KLF12: variants seen among roughly 807,000 people sequenced by gnomAD.
KLF12 encodes KLF transcription factor 12.
A neutral mutation model predicts 37.8 loss-of-function variants in KLF12; 9 were observed. That is an observed-to-expected ratio of 0.24 (90% confidence interval 0.14 to 0.42). The LOEUF (loss-of-function observed/expected upper bound fraction) is 0.42. Among genes scored for constraint, KLF12 ranks in the 10% least tolerant of loss-of-function variants. The probability of loss-of-function intolerance (pLI) is 1.00; values close to 1 mark genes in which losing one functional copy is unlikely to be tolerated. For missense variants in KLF12, 411 were observed against 516.0 expected (o/e 0.80, Z 1.97); for synonymous variants, 208 against 202.1 (o/e 1.03, Z -0.25).
intron 5 of KLF12, among the ~76,000 whole-genome samples, chr13:73,784,878 C>T (rs1240842338): frequency 6.6e-6 from 1 of 151,890 alleles, no homozygotes; most frequent in Admixed American, 6.6e-5. Context: ...CCTCGTGATC[C>T]ACCCGCCTTG....
At chr13:73,885,011 C>T (rs1887152921) in intron 3 of KLF12, among the ~76,000 whole-genome samples, 1 of 152,304 alleles carries the variant, frequency 6.6e-6, no homozygotes, top group Admixed American at 6.5e-5. Flanking sequence ...ACCCATTGTG[C>T]TCAAACTCTC....
upstream of KLF12, among the ~76,000 whole-genome samples, chr13:74,134,186 A>AGGG (rs546775182): frequency 9.6e-6 from 1 of 104,134 alleles, no homozygotes; most frequent in Non-Finnish European, 2.1e-5. Flanking sequence ...GGGTGCTGTG[A>AGGG]GGGGGGGGGC....
chr13:73,764,933 C>T lies in KLF12; in HGVS notation c.869+5G>A. ...ACAAATACTCATATTAGACTGTATACTCACCAAGGAAACTTTTGATTATTC... is the reference window on the plus strand; with the variant it reads ...ACAAATACTCATATTAGACTGTATATTCACCAAGGAAACTTTTGATTATTC... On this transcript the variant is annotated splice_donor_5th_base_variant and intron_variant, in intron 6 of 7. Transcript: ENST00000377669. The T allele has an allele frequency of 6.6e-7, 1 of 1,518,586 alleles. No homozygotes were observed. The highest frequency in any genetic ancestry group is 9.1e-7 in the Non-Finnish European group (1 of 1,093,628). 94.1% of individuals were successfully genotyped at this position (1,518,586 alleles called of 1,614,324 possible).
intron 3 of KLF12, among the ~76,000 whole-genome samples, chr13:73,856,388 A>G (rs1196909392): frequency 3.9e-5 from 6 of 152,250 alleles, no homozygotes; most frequent in African/African-American, 1.4e-4. Context: ...ACTGACACCA[A>G]TATTATGCTA....
At position 73,995,059 on chromosome 13, in the gene KLF12, A is replaced by G. The variant is rs915588066; in HGVS notation, c.-31-6T>C. The G allele has an allele frequency of 6.3e-7, 1 of 1,586,768 alleles. No homozygotes were observed. The highest frequency in any genetic ancestry group is 1.7e-5 in the Admixed American group (1 of 57,734). ...TTCTTAGAGTCACATTGATCCTGCA[A>G]GAAAAACACAAAGACAAATGATGAG... On this transcript the variant is annotated splice_region_variant and splice_polypyrimidine_tract_variant and intron_variant, in intron 1 of 7. Coordinates refer to ENST00000377669, the MANE Select transcript of KLF12 (RefSeq NM_007249.5).
intron 1 of KLF12, among the ~76,000 whole-genome samples, chr13:74,108,708 GAA>G (rs532879733): frequency 4.5e-4 from 69 of 152,196 alleles, no homozygotes; most frequent in Non-Finnish European, 8.2e-4. Flanking sequence ...GTAAACTAGA[GAA>G]AAGTTATTTA....
intron 3 of KLF12, among the ~76,000 whole-genome samples, chr13:73,929,019 C>G (rs895181927): frequency 6.6e-6 from 1 of 152,186 alleles, no homozygotes; most frequent in South Asian, 2.1e-4. Context: ...CTACCTTCAT[C>G]CCTCATAACT....
intron 2 of KLF12, among the ~76,000 whole-genome samples, chr13:73,957,515 A>G (rs777778663): frequency 1.5e-4 from 23 of 152,316 alleles, no homozygotes; most frequent in Admixed American, 9.8e-4. Context: ...GAAGTCTCCA[A>G]AGTAACTACA....
intron 1 of KLF12, among the ~76,000 whole-genome samples, chr13:74,087,678 C>T (rs1875395396): frequency 6.6e-6 from 1 of 152,166 alleles, no homozygotes; most frequent in African/African-American, 2.4e-5. Context: ...TGATTCCAAG[C>T]ATGTCACTTA....
chr13:73,697,463 C>T (rs1415330801), intron 7 of KLF12, among the ~76,000 whole-genome samples: 1 of 152,160 alleles, frequency 6.6e-6, no homozygotes. Flanking sequence ...ACTGCATTTG[C>T]ATGTGTCTAC....
At chr13:74,010,372 A>G (rs982556750) in intron 1 of KLF12, among the ~76,000 whole-genome samples, 1 of 152,220 alleles carries the variant, frequency 6.6e-6, no homozygotes, top group Non-Finnish European at 1.5e-5. Flanking sequence ...ACCACGAACA[A>G]TAATTGCAGA....
At chr13:74,178,380 G>C in the KLF12 span, among the ~76,000 whole-genome samples, 1 of 152,096 alleles carries the variant, frequency 6.6e-6, no homozygotes, top group Non-Finnish European at 1.5e-5. Context: ...AAAAGAAATG[G>C]GTTCTTTTAA....
chr13:73,772,464 G>A (rs536091467), intron 5 of KLF12, among the ~76,000 whole-genome samples: 38 of 152,348 alleles, frequency 2.5e-4, no homozygotes, highest in African/African-American at 7.2e-4. Flanking sequence ...GAACCTGGGA[G>A]TTTCCGTAGG....
chr13:73,983,021 TACTC>T (rs754887268), intron 2 of KLF12, among the ~76,000 whole-genome samples: 25 of 152,192 alleles, frequency 1.6e-4, no homozygotes, highest in Admixed American at 3.9e-4. Flanking sequence ...CTTTTGCTCT[TACTC>T]ACATTTCATT....
chr13:74,042,910 G>A (rs938566009), intron 1 of KLF12, among the ~76,000 whole-genome samples: 5 of 152,150 alleles, frequency 3.3e-5, no homozygotes, highest in African/African-American at 1.2e-4. Context: ...TATCCCAGGA[G>A]ACACAGCAAA....
chr13:73,710,435 T>G (rs1401911469), intron 7 of KLF12, among the ~76,000 whole-genome samples: 1 of 149,320 alleles, frequency 6.7e-6, no homozygotes, highest in East Asian at 1.9e-4. Flanking sequence ...AATTCAAGTT[T>G]TGTGGCAATC....
chr13:73,868,329 G>A (rs1398607780), intron 3 of KLF12, among the ~76,000 whole-genome samples: 1 of 84,216 alleles, frequency 1.2e-5, no homozygotes. Flanking sequence ...GGGGGCGGTG[G>A]GGGGGGGGGG....
the KLF12 span, among the ~76,000 whole-genome samples, chr13:74,230,278 C>T: frequency 1.3e-5 from 2 of 152,148 alleles, no homozygotes; most frequent in Non-Finnish European, 2.9e-5. Flanking sequence ...TGAAGAAGGA[C>T]ATGATTGTAA....
At chr13:74,262,723 G>C in the KLF12 span, among the ~76,000 whole-genome samples, 1 of 152,122 alleles carries the variant, frequency 6.6e-6, no homozygotes, top group African/African-American at 2.4e-5. Flanking sequence ...CAGATGTAGA[G>C]GATCAACTGT....
Sources: allele counts gnomAD v4.1 joint callset (sites outside exome capture counted in the v4.1 genomes callset), GRCh38; gene constraint gnomAD v4.1.1; transcripts MANE v1.5; gene names NCBI Gene and HGNC (gene_info 2026-07-23, HGNC 2026-07-21).